ASCC3: variants seen among roughly 807,000 people sequenced by gnomAD.
ASCC3 encodes ASC-1 complex subunit P200.
ASCC3 carries 158 observed loss-of-function variants against 256.3 expected under a neutral mutation model. That is an observed-to-expected ratio of 0.62 (90% CI 0.54 to 0.70). ASCC3 has a LOEUF of 0.70. Among genes scored for constraint, ASCC3 ranks in the 30% least tolerant of loss-of-function variants. The probability of loss-of-function intolerance (pLI) is 0.00; values close to 1 mark genes in which losing one functional copy is unlikely to be tolerated. For synonymous variants in ASCC3, 948 were observed against 883.4 expected (o/e 1.07, Z -1.30); for missense variants, 2,259 against 2,626.0 (o/e 0.86, Z 3.05).
intron 10 of ASCC3, among the ~76,000 whole-genome samples, chr6:100,735,055 G>C (rs747231040): frequency 4.6e-5 from 7 of 152,126 alleles, no homozygotes; most frequent in Admixed American, 2.0e-4. Context: ...TATATATTAA[G>C]GAGGAAAGTG....
At chr6:100,806,443 A>G (rs1268147812) in intron 4 of ASCC3, among the ~76,000 whole-genome samples, 1 of 152,034 alleles carries the variant, frequency 6.6e-6, no homozygotes, top group East Asian at 1.9e-4. Flanking sequence ...TCCTATGCAG[A>G]GTAGTTACCA....
intron 4 of ASCC3, among the ~76,000 whole-genome samples, chr6:100,829,895 A>T (rs1246698418): frequency 6.6e-6 from 1 of 152,102 alleles, no homozygotes; most frequent in Non-Finnish European, 1.5e-5. Flanking sequence ...ATTAAGTAGA[A>T]TAAGGGTTAC....
intron 36 of ASCC3, among the ~76,000 whole-genome samples, chr6:100,564,000 T>C (rs1230141749): frequency 1.3e-5 from 2 of 152,038 alleles, no homozygotes; most frequent in Non-Finnish European, 2.9e-5. Context: ...AGTTAGAAAA[T>C]GGTGCAGTTA....
intron 8 of ASCC3, among the ~76,000 whole-genome samples, chr6:100,771,560 G>A (rs1297200704): frequency 2.6e-5 from 4 of 151,406 alleles, no homozygotes; most frequent in Non-Finnish European, 5.9e-5. Flanking sequence ...CAACACAACA[G>A]TAAAGAAAAC....
chr6:100,867,729 T>C (rs1474307049), intron 2 of ASCC3, among the ~76,000 whole-genome samples, 179 bp downstream of exon 2: 2 of 152,202 alleles, frequency 1.3e-5, no homozygotes, highest in African/African-American at 4.8e-5. Context: ...TGGTTTTAGA[T>C]GCTAAACGTA....
At chr6:100,770,949 T>C (rs1051043410) in intron 8 of ASCC3, among the ~76,000 whole-genome samples, 1 of 151,686 alleles carries the variant, frequency 6.6e-6, no homozygotes, top group African/African-American at 2.4e-5. Flanking sequence ...GAAATTCATA[T>C]GGAAACACAC....
chr6:100,627,992 A>G lies in ASCC3; in HGVS notation c.4376-5T>C, dbSNP rs753299389. 9 of 1,612,954 alleles carry G rather than the reference A, an allele frequency of 5.6e-6. No homozygotes were observed. The highest frequency in any genetic ancestry group is 7.6e-6 in the Non-Finnish European group (9 of 1,179,516). On this transcript the variant is annotated splice_region_variant and splice_polypyrimidine_tract_variant and intron_variant, in intron 27 of 41. Coordinates refer to ENST00000369162, the MANE Select transcript of ASCC3 (RefSeq NM_006828.4). ...GAACAGGGCCTCTTTCCTCCCCTAG[A>G]AAATAGGGAAAAATCAATGTTAATC... is the stretch of plus-strand genomic sequence containing the variant.
At chr6:100,743,983 A>G (rs1339352533) in intron 10 of ASCC3, among the ~76,000 whole-genome samples, 1 of 152,178 alleles carries the variant, frequency 6.6e-6, no homozygotes, top group Non-Finnish European at 1.5e-5. Flanking sequence ...TTTATGCTTA[A>G]GTAGCTTATT....
chr6:100,672,948 C>CA (rs894439193), intron 14 of ASCC3, among the ~76,000 whole-genome samples: 14 of 152,018 alleles, frequency 9.2e-5, no homozygotes, highest in African/African-American at 3.4e-4. Context: ...GTGATCACGA[C>CA]AAAAAACAGT....
intron 22 of ASCC3, among the ~76,000 whole-genome samples, chr6:100,644,977 T>C (rs867247649): frequency 2.0e-5 from 3 of 152,172 alleles, no homozygotes; most frequent in Non-Finnish European, 4.4e-5. Flanking sequence ...GACTCAACCA[T>C]CCTTAGGGCC....
intron 34 of ASCC3, among the ~76,000 whole-genome samples, chr6:100,593,184 C>T (rs973497807): frequency 6.6e-6 from 1 of 152,008 alleles, no homozygotes; most frequent in Non-Finnish European, 1.5e-5. Flanking sequence ...AGAAAGCCAG[C>T]GGGATCACAA....
intron 33 of ASCC3, among the ~76,000 whole-genome samples, chr6:100,603,166 G>C (rs1772711327): frequency 6.6e-6 from 1 of 151,794 alleles, no homozygotes; most frequent in African/African-American, 2.4e-5. Context: ...CACATTAATA[G>C]AGAAATGAAT....
At chr6:100,739,401 G>GT (rs879217751) in intron 10 of ASCC3, among the ~76,000 whole-genome samples, 1 of 152,024 alleles carries the variant, frequency 6.6e-6, no homozygotes, top group Non-Finnish European at 1.5e-5. Context: ...CTCATCTTTT[G>GT]TTTTTTGTTG....
chr6:100,739,162 T>C (rs2115065562), intron 10 of ASCC3, among the ~76,000 whole-genome samples: 1 of 152,332 alleles, frequency 6.6e-6, no homozygotes, highest in Middle Eastern at 3.4e-3. Context: ...CAATGTTGAA[T>C]TTTTATCAAA....
intron 30 of ASCC3, among the ~76,000 whole-genome samples, chr6:100,609,116 T>G (rs1773260264): frequency 6.6e-6 from 1 of 152,036 alleles, no homozygotes; most frequent in South Asian, 2.1e-4. Context: ...TTATTTATGC[T>G]TTAACTTTAT....
chr6:100,740,189 A>C (rs1780362500), intron 10 of ASCC3, among the ~76,000 whole-genome samples: 2 of 152,178 alleles, frequency 1.3e-5, no homozygotes, highest in African/African-American at 4.8e-5. Flanking sequence ...TTCATTATTT[A>C]ACTAAGTTTC....
At chr6:100,519,903 A>G (rs113591860) in intron 37 of ASCC3, among the ~76,000 whole-genome samples, 4,581 of 152,250 alleles carry the variant, frequency 0.03, 89 homozygotes, top group Middle Eastern at 0.048. Flanking sequence ...ATAAATTAAA[A>G]AGCCATATAA....
rs752232711 is a variant in ASCC3, at chr6:100,713,102, G to A, written c.2151+2360C>T. On this transcript the variant is annotated intron_variant, in intron 13 of 41. Coordinates refer to ENST00000369162, the MANE Select transcript of ASCC3 (RefSeq NM_006828.4). Reference sequence around the variant, plus strand: ...TTACTCAAACGAGTTGATAACTTACGTCCGGACAAAAACCTGCACATGGAT... The same window carrying A: ...TTACTCAAACGAGTTGATAACTTACATCCGGACAAAAACCTGCACATGGAT... 8.5e-5 allele frequency among the ~76,000 whole-genome samples: 13 copies of A among 152,064 alleles called. 1 individual carries two copies. Among genetic ancestry groups the A allele is most frequent in the South Asian group, 6.2e-4 (3 of 4,816 alleles).
intron 4 of ASCC3, among the ~76,000 whole-genome samples, chr6:100,828,664 C>A (rs1241951533): frequency 2.0e-5 from 3 of 152,078 alleles, no homozygotes; most frequent in African/African-American, 7.2e-5. Context: ...TAAGGCGGTG[C>A]ATCTGGAGTT....
Sources: allele counts gnomAD v4.1 joint callset (sites outside exome capture counted in the v4.1 genomes callset), GRCh38; gene constraint gnomAD v4.1.1; transcripts MANE v1.5; gene names NCBI Gene and HGNC (gene_info 2026-07-23, HGNC 2026-07-21).